Variants in CDC45 observed in about 807,000 individuals in gnomAD.
CDC45 encodes the protein cell division cycle 45.
In CDC45, 54 loss-of-function variants were observed where a neutral mutation model predicts 77.8. The ratio of observed to expected loss-of-function variants is 0.69; its 90% CI spans 0.56 to 0.87. The LOEUF (loss-of-function observed/expected upper bound fraction) is 0.87. Ranked by LOEUF, CDC45 falls within the 40% of genes least tolerant of loss-of-function variation. The pLI, the probability that CDC45 is intolerant of heterozygous loss-of-function variation, is 0.00. For missense variants in CDC45, 649 were observed against 721.6 expected, an observed-to-expected ratio of 0.90 and a Z score of 1.15; for synonymous variants, 260 against 272.1, an observed-to-expected ratio of 0.96 and a Z score of 0.44.
intron 16 of CDC45, 37 bp downstream of exon 16, chr22:19,516,682 G>A (rs373254809): frequency 5.1e-6 from 8 of 1,568,760 alleles, no homozygotes; most frequent in South Asian, 2.2e-5. Flanking sequence ...CTGGAGGGTC[G>A]GGGGTGTTGG....
At chr22:19,506,592 TCA>T (rs1416283487) in intron 10 of CDC45, among the ~76,000 whole-genome samples, 1 of 152,066 alleles carries the variant, frequency 6.6e-6, no homozygotes, top group African/African-American at 2.4e-5. Context: ...CAGTCCACAC[TCA>T]CAACTGCGCT....
At chr22:19,510,074 A>T (rs752541518) in intron 13 of CDC45, among the ~76,000 whole-genome samples, 6 of 151,872 alleles carry the variant, frequency 4.0e-5, no homozygotes, top group Non-Finnish European at 5.9e-5. Context: ...CAATCTTCCT[A>T]CCTCAGCCTC....
chr22:19,492,061 C>T (rs956392390), intron 5 of CDC45, among the ~76,000 whole-genome samples: 14 of 152,172 alleles, frequency 9.2e-5, no homozygotes, highest in African/African-American at 2.7e-4. Flanking sequence ...CCGCCTCGGC[C>T]TCCCAAAGTG....
Position 19,482,615 on chromosome 22 carries a change from A to T in CDC45, c.205-75A>T, listed in dbSNP as rs1270289885. The T allele has an allele frequency of 3.2e-5, 48 of 1,498,156 alleles. 1 individual carries two copies. The South Asian group carries it at 5.7e-4, about 18-fold the overall frequency. The allele number at this position is 1,498,156 out of a possible 1,614,324, so 92.8% of individuals were successfully genotyped here. On this transcript the variant is annotated intron_variant, in intron 3 of 18. Transcript: ENST00000263201. ...GGGACTGAGTGAGTTTAAGCAGAACAACTCAGAGGCTTAGTGATGAAGGAA... is the reference window on the plus strand; with the variant it reads ...GGGACTGAGTGAGTTTAAGCAGAACTACTCAGAGGCTTAGTGATGAAGGAA...
chr22:19,506,668 C>G (rs1432853807), intron 10 of CDC45, among the ~76,000 whole-genome samples: 2 of 152,046 alleles, frequency 1.3e-5, no homozygotes, highest in African/African-American at 4.8e-5. Flanking sequence ...GGCGCTGTGG[C>G]TCACGCCTGT....
chr22:19,504,784 A>G (rs556422815), intron 9 of CDC45, among the ~76,000 whole-genome samples: 1 of 152,298 alleles, frequency 6.6e-6, no homozygotes, highest in Admixed American at 6.5e-5. Context: ...CCAAAGGAAT[A>G]TCTCAAAGGG....
chr22:19,502,154 A>G (rs1276495310), intron 9 of CDC45, among the ~76,000 whole-genome samples: 1 of 152,236 alleles, frequency 6.6e-6, no homozygotes, highest in Non-Finnish European at 1.5e-5. Context: ...TTATTTGTCA[A>G]AAAGTCATAC....
chr22:19,492,248 G>C (rs894623687), intron 5 of CDC45, among the ~76,000 whole-genome samples: 4 of 151,878 alleles, frequency 2.6e-5, no homozygotes, highest in African/African-American at 9.7e-5. Flanking sequence ...AGAGGTTCTA[G>C]TTTTTTTGGT....
chr22:19,515,142 G>A, intron 15 of CDC45, 94 bp downstream of exon 15: 1 of 1,164,036 alleles, frequency 8.6e-7, no homozygotes, highest in Non-Finnish European at 1.2e-6. Context: ...GGGTGCCTGT[G>A]GCTGTTGACC....
intron 5 of CDC45, among the ~76,000 whole-genome samples, chr22:19,489,346 A>G (rs867693201): frequency 6.6e-6 from 1 of 151,364 alleles, no homozygotes; most frequent in Non-Finnish European, 1.5e-5. Flanking sequence ...AAAAAAAAAG[A>G]TACAGAACAT....
chr22:19,479,892 T>A, upstream of CDC45: 3 of 1,439,092 alleles, frequency 2.1e-6, no homozygotes, highest in Middle Eastern at 2.4e-4. Flanking sequence ...GGAGGAGCCG[T>A]GATTTGGCGG....
At chr22:19,494,818 C>T (rs1367429538) in intron 6 of CDC45, among the ~76,000 whole-genome samples, 2 of 152,196 alleles carry the variant, frequency 1.3e-5, no homozygotes, top group Admixed American at 6.5e-5. Context: ...TCTCCCAGGC[C>T]ATCCAGCTGA....
rs573739706 is a variant in CDC45, at chr22:19,515,065, G to T, written c.1440+17G>T. ...GTGTGTTCGGTGAGGGGCCAGGCGG[G>T]TGCTGTGGGTACAGGAGGGCAGGTG... On this transcript the variant is annotated intron_variant, in intron 15 of 18. Transcript: ENST00000263201. 1 of 1,582,892 alleles carries T rather than the reference G, an allele frequency of 6.3e-7. No individual in the cohort carries two copies. The highest frequency in any genetic ancestry group is 1.2e-5 in the South Asian group (1 of 85,288).
Position 19,520,218 on chromosome 22 carries a change from G to A in CDC45, c.*2-263G>A, listed in dbSNP as rs1301377363. On this transcript the variant is annotated intron_variant, in intron 18 of 18. Transcript: ENST00000263201. This position sits in a 1 kb window ranked among gnomAD's most constrained non-coding sequence, Gnocchi z 4.5. ...GAGAGCCCCCATGGGAGGGTGCCAG[G>A]GGGCTGGCTGAGCAGCTGGGCGGGG... Among the ~76,000 whole-genome samples the A allele has an allele frequency of 3.3e-5, 5 of 152,188 alleles. No homozygotes were observed. Among genetic ancestry groups the A allele is most frequent in the Admixed American group, 6.5e-5 (1 of 15,286 alleles).
intron 13 of CDC45, among the ~76,000 whole-genome samples, chr22:19,512,476 T>G (rs1158904035): frequency 6.6e-6 from 1 of 152,208 alleles, no homozygotes; most frequent in Non-Finnish European, 1.5e-5. Flanking sequence ...GTTGCAAATG[T>G]GGGTCCTAGG....
At chr22:19,510,591 C>T (rs186483430) in intron 13 of CDC45, among the ~76,000 whole-genome samples, 15 of 152,258 alleles carry the variant, frequency 9.9e-5, no homozygotes, top group Admixed American at 5.9e-4. Context: ...TCCAGTGGCA[C>T]GCTCTCGGCT....
intron 5 of CDC45, among the ~76,000 whole-genome samples, chr22:19,487,866 C>T (rs1451174541): frequency 7.0e-6 from 1 of 142,458 alleles, no homozygotes; most frequent in Non-Finnish European, 1.5e-5. Flanking sequence ...GAGCTGAGAT[C>T]CACCACTGCA....
chr22:19,479,918 C>T, upstream of CDC45: 1 of 1,605,938 alleles, frequency 6.2e-7, no homozygotes, highest in African/African-American at 1.3e-5. Context: ...TTGACCGCCG[C>T]CGGGCTCTTG....
At chr22:19,501,393 G>T (rs542639995) in intron 9 of CDC45, among the ~76,000 whole-genome samples, 10 of 152,248 alleles carry the variant, frequency 6.6e-5, no homozygotes, top group African/African-American at 2.4e-4. Context: ...TAAACTGCTC[G>T]CAGCAAAGAC....
Sources: gnomAD v4.1 joint callset for allele counts (sites outside exome capture counted in the v4.1 genomes callset) on GRCh38, gnomAD v4.1.1 for gene constraint, Gnocchi (gnomAD v3.1) non-coding constraint, MANE v1.5 for transcripts, NCBI Gene and HGNC (gene_info 2026-07-23, HGNC 2026-07-21) for gene names.